The following CADM1 variants were observed in gnomAD, a reference collection of about 807,000 sequenced individuals.
CADM1 encodes TSLC-1.
CADM1 carries 15 observed loss-of-function variants against 53.1 expected under a neutral mutation model. That is an observed-to-expected ratio of 0.28 (90% CI 0.19 to 0.44). The LOEUF is 0.44. Ranked by LOEUF, CADM1 falls within the 20% of genes least tolerant of loss-of-function variation. CADM1 has a pLI of 1.00. For synonymous variants in CADM1, 281 were observed against 243.0 expected (o/e 1.16, Z -1.45); for missense variants, 434 against 611.3 (o/e 0.71, Z 3.06).
At chr11:115,381,772 G>A (rs1946585464) in intron 1 of CADM1, among the ~76,000 whole-genome samples, 1 of 152,174 alleles carries the variant, frequency 6.6e-6, no homozygotes, top group Non-Finnish European at 1.5e-5. Context: ...GGCTATGCTA[G>A]GGCACCATTC....
At chr11:115,422,652 T>G (rs1947786745) in intron 1 of CADM1, among the ~76,000 whole-genome samples, 1 of 152,222 alleles carries the variant, frequency 6.6e-6, no homozygotes, top group South Asian at 2.1e-4. Context: ...CTAAATTGAA[T>G]AGACCCTTTT....
chr11:115,459,139 C>G (rs568734551), intron 1 of CADM1, among the ~76,000 whole-genome samples: 2 of 152,262 alleles, frequency 1.3e-5, no homozygotes, highest in African/African-American at 4.8e-5. Context: ...ATAATTATAA[C>G]TGCAATAATG....
chr11:115,500,897 A>AATTCTCTC (rs1193190564), intron 1 of CADM1, among the ~76,000 whole-genome samples: 8 of 152,198 alleles, frequency 5.3e-5, no homozygotes, highest in African/African-American at 1.9e-4. Context: ...TAAGAATATG[A>AATTCTCTC]AGTCAGGAAG....
intron 1 of CADM1, among the ~76,000 whole-genome samples, chr11:115,288,731 C>T (rs1187419587): frequency 6.6e-6 from 1 of 152,180 alleles, no homozygotes; most frequent in Non-Finnish European, 1.5e-5. Flanking sequence ...ACCCTTGTTT[C>T]CTTCCACTAC....
At chr11:115,284,518 A>G (rs1943678690) in intron 1 of CADM1, among the ~76,000 whole-genome samples, 2 of 151,632 alleles carry the variant, frequency 1.3e-5, no homozygotes, top group Non-Finnish European at 2.9e-5. Flanking sequence ...GTCTAAAAAA[A>G]AAAAACAGAA....
intron 1 of CADM1, among the ~76,000 whole-genome samples, chr11:115,445,279 C>T (rs1214235513): frequency 4.6e-5 from 7 of 152,016 alleles, no homozygotes; most frequent in Admixed American, 1.3e-4. Context: ...CAGTGATAAG[C>T]AGTCGGCTTG....
chr11:115,212,171 C>T (rs1457277549), intron 7 of CADM1, among the ~76,000 whole-genome samples: 1 of 151,444 alleles, frequency 6.6e-6, no homozygotes. Context: ...CATGTAGAGG[C>T]TAAAAGAATA....
chr11:115,230,756 G>A (rs962564179), intron 4 of CADM1, among the ~76,000 whole-genome samples: 2 of 152,148 alleles, frequency 1.3e-5, no homozygotes, highest in African/African-American at 2.4e-5. Context: ...GGTGAATTGG[G>A]CAACTGAATC....
At chr11:115,501,586 C>A (rs533127298) in intron 1 of CADM1, among the ~76,000 whole-genome samples, 2 of 152,298 alleles carry the variant, frequency 1.3e-5, no homozygotes, top group African/African-American at 4.8e-5. Context: ...CATTAACATC[C>A]ATTTCATCCA....
chr11:115,409,784 A>C (rs971779555), intron 1 of CADM1, among the ~76,000 whole-genome samples: 4 of 152,138 alleles, frequency 2.6e-5, no homozygotes, highest in Admixed American at 2.6e-4. Flanking sequence ...ATATAGCATT[A>C]GGGCAGGGAT....
At chr11:115,486,913 G>A (rs1680914759) in intron 1 of CADM1, among the ~76,000 whole-genome samples, 1 of 152,132 alleles carries the variant, frequency 6.6e-6, no homozygotes, top group Non-Finnish European at 1.5e-5. Context: ...CTAATGGAAA[G>A]ATAGAGGTGC....
At chr11:115,376,595 C>T (rs1434966847) in intron 1 of CADM1, among the ~76,000 whole-genome samples, 1 of 152,114 alleles carries the variant, frequency 6.6e-6, no homozygotes, top group East Asian at 1.9e-4. Context: ...AATAAAACTG[C>T]TTCTAAAGAC....
At chr11:115,454,453 T>C (rs1048576614) in intron 1 of CADM1, among the ~76,000 whole-genome samples, 2 of 152,214 alleles carry the variant, frequency 1.3e-5, no homozygotes, top group Admixed American at 1.3e-4. Context: ...AGAATCACAA[T>C]TTGCCAGACA....
At chr11:115,414,216 C>T (rs1409135616) in intron 1 of CADM1, among the ~76,000 whole-genome samples, 2 of 151,680 alleles carry the variant, frequency 1.3e-5, no homozygotes, top group Admixed American at 1.3e-4. Flanking sequence ...TAGATAATTG[C>T]GGAGTAGAAA....
rs1940616401 is a variant in CADM1, at chr11:115,205,129, C to T, written c.1078+4445G>A. Among the ~76,000 whole-genome samples the T allele has an allele frequency of 2.0e-5, 3 of 152,186 alleles. No individual in the cohort carries two copies. In the South Asian group the frequency reaches 6.2e-4, roughly 32 times the overall value. The stretch of plus-strand genomic sequence containing the variant: ...GACAGTCACATGTCTAGTGTGACCT[C>T]CAGGTTGAACTCCTCCCAGCCTGAA... On this transcript the variant is annotated intron_variant, in intron 8 of 11. Transcript: ENST00000331581.
rs534132293 is a variant in CADM1 at position 115,338,057 on chromosome 11, CGAGTAGATGAATTGA to C, written c.125-97652_125-97638del. ...GAAGACTGGCTCTTCTCAGATGAAG[CGAGTAGATGAATTGA>C]GAGAAAGTTCACACTTCTACAAATG... On this transcript the variant is annotated intron_variant, in intron 1 of 11. Transcript: ENST00000331581. Among the ~76,000 whole-genome samples the C allele has an allele frequency of 2.2e-4, 34 of 151,876 alleles. No individual in the cohort carries two copies. In the South Asian group the frequency reaches 6.7e-3, roughly 30 times the overall value.
intron 1 of CADM1, among the ~76,000 whole-genome samples, chr11:115,253,020 C>T (rs569827331): frequency 1.2e-4 from 19 of 152,278 alleles, no homozygotes; most frequent in Non-Finnish European, 1.8e-4. Flanking sequence ...CTGGGCCTCA[C>T]TGGAAAAAGA....
Position 115,186,790 on chromosome 11 carries a change from C to A in CADM1, c.1165+4098G>T, listed in dbSNP as rs568399513. On this transcript the variant is annotated intron_variant, in intron 10 of 11. Coordinates refer to ENST00000331581, the MANE Select transcript of CADM1 (RefSeq NM_001301043.2). ...ACTGACCTCCACCTTCTTCCAGCCC[C>A]AGCCCTCACTTCCACTTTATCCGGT... Among the ~76,000 whole-genome samples the A allele has an allele frequency of 3.9e-5, 6 of 152,314 alleles. No homozygotes were observed. In the East Asian group the frequency reaches 1.2e-3, roughly 29 times the overall value.
In CADM1 at chr11:115,317,486, T is replaced by C. The variant is rs578038556; in HGVS notation, c.125-77066A>G. 7.9e-5 allele frequency among the ~76,000 whole-genome samples: 12 copies of C among 152,336 alleles called. No individual in the cohort carries two copies. The South Asian group carries it at 2.5e-3, about 32-fold the overall frequency. On this transcript the variant is annotated intron_variant, in intron 1 of 11. Transcript: ENST00000331581. ...TCCACATGCTCTCTGCAGCTTCTAT[T>C]AGAACGTTAATTGTTCATACTGAAG... is the stretch of plus-strand genomic sequence containing the variant.
Sources: gnomAD v4.1 joint callset for allele counts (sites outside exome capture counted in the v4.1 genomes callset) on GRCh38, gnomAD v4.1.1 for gene constraint, MANE v1.5 for transcripts, NCBI Gene and HGNC (gene_info 2026-07-23, HGNC 2026-07-21) for gene names.